Variants in LRP1B observed in about 807,000 individuals in gnomAD.
LRP1B encodes LDL receptor related protein 1B.
A neutral mutation model predicts 556.6 loss-of-function variants in LRP1B; 217 were observed. The ratio of observed to expected loss-of-function variants is 0.39; its 90% CI spans 0.35 to 0.44. LRP1B has a LOEUF of 0.44. LRP1B is among the 20% of genes least tolerant of loss of function. LRP1B has a pLI of 1.00. For missense variants in LRP1B, 5,053 were observed against 5,620.8 expected (o/e 0.90, Z 3.23); for synonymous variants, 2,047 against 1,865.8 (o/e 1.10, Z -2.50).
In LRP1B at chr2:141,524,302, G is replaced by A. The variant is rs1050276761; in HGVS notation, c.206-43769C>T. On this transcript the variant is annotated intron_variant, in intron 2 of 90. Coordinates refer to ENST00000389484, the MANE Select transcript of LRP1B (RefSeq NM_018557.3). The stretch of plus-strand genomic sequence containing the variant: ...TATAAAACTCAATGCCTAAGAACAT[G>A]TTATGTTGCCTTTCTTAAGTGAGCA... Among the ~76,000 whole-genome samples, 6 of 150,742 alleles carry A rather than the reference G, an allele frequency of 4.0e-5. No homozygotes were observed. In the East Asian group the frequency reaches 1.2e-3, roughly 29 times the overall value.
chr2:140,966,623 T>C (rs1327099869), intron 18 of LRP1B, among the ~76,000 whole-genome samples: 2 of 152,236 alleles, frequency 1.3e-5, no homozygotes. Context: ...TGCCCATGCC[T>C]ATGTCCTAAA....
intron 2 of LRP1B, among the ~76,000 whole-genome samples, chr2:141,562,802 C>A (rs13401279): frequency 0.23 from 34,816 of 151,838 alleles, 4,105 homozygotes; most frequent in South Asian, 0.41. Flanking sequence ...GGAAATTAGA[C>A]TCCATTCTGT....
chr2:141,477,005 C>T (rs1281943963), intron 3 of LRP1B, among the ~76,000 whole-genome samples: 2 of 152,044 alleles, frequency 1.3e-5, no homozygotes, highest in African/African-American at 4.8e-5. Context: ...TGCCTGTAAT[C>T]CCAGCTACTT....
At chr2:142,037,199 TA>T (rs1192512481) in intron 1 of LRP1B, among the ~76,000 whole-genome samples, 1 of 151,628 alleles carries the variant, frequency 6.6e-6, no homozygotes, top group Admixed American at 6.6e-5. Flanking sequence ...AAAAGAGATT[TA>T]GTTTGGATTC....
chr2:140,640,394 T>C (rs1376497776), intron 41 of LRP1B, among the ~76,000 whole-genome samples: 3 of 71,114 alleles, frequency 4.2e-5, no homozygotes, highest in Admixed American at 1.4e-4. Context: ...TTTTTTTTTT[T>C]TTTTTTTTTT....
chr2:140,778,362 C>A (rs1689571717), intron 32 of LRP1B, among the ~76,000 whole-genome samples: 1 of 152,040 alleles, frequency 6.6e-6, no homozygotes, highest in Non-Finnish European at 1.5e-5. Context: ...AATTTATTTT[C>A]AATGATAAAA....
intron 2 of LRP1B, among the ~76,000 whole-genome samples, chr2:141,600,309 C>T (rs1687679211): frequency 6.6e-6 from 1 of 152,120 alleles, no homozygotes; most frequent in Non-Finnish European, 1.5e-5. Context: ...AAGTGGGAAC[C>T]AGATAATTTT....
At chr2:141,311,764 T>G (rs1469091940) in intron 3 of LRP1B, among the ~76,000 whole-genome samples, 1 of 152,198 alleles carries the variant, frequency 6.6e-6, no homozygotes, top group Admixed American at 6.5e-5. Context: ...GCTCATGAAC[T>G]TCCCAGACTC....
At chr2:141,422,535 AG>A (rs1397468799) in intron 3 of LRP1B, among the ~76,000 whole-genome samples, 1 of 152,218 alleles carries the variant, frequency 6.6e-6, no homozygotes, top group East Asian at 1.9e-4. Context: ...AGTTATAAGA[AG>A]ACTGATGAAA....
chr2:141,853,020 T>C (rs1697918358), intron 1 of LRP1B, among the ~76,000 whole-genome samples: 1 of 151,710 alleles, frequency 6.6e-6, no homozygotes, highest in Admixed American at 6.6e-5. Flanking sequence ...AAAAACAATA[T>C]CTATAGGCTG....
intron 2 of LRP1B, among the ~76,000 whole-genome samples, chr2:141,643,902 G>C (rs1689442508): frequency 6.6e-6 from 1 of 151,794 alleles, no homozygotes; most frequent in Admixed American, 6.6e-5. Context: ...GACCTTATAG[G>C]GCTGCTGCAA....
intron 41 of LRP1B, among the ~76,000 whole-genome samples, chr2:140,657,670 CAT>C (rs145142678): frequency 0.048 from 6,788 of 141,280 alleles, 199 homozygotes; most frequent in Middle Eastern, 0.074. Flanking sequence ...TATATACATA[CAT>C]ATATATATAA....
At chr2:140,589,714 C>G (rs1682139089) in intron 43 of LRP1B, among the ~76,000 whole-genome samples, 1 of 152,066 alleles carries the variant, frequency 6.6e-6, no homozygotes, top group South Asian at 2.1e-4. Context: ...TATATAATTC[C>G]ATTATATAAG....
At chr2:141,347,116 C>T (rs1688279722) in intron 3 of LRP1B, among the ~76,000 whole-genome samples, 1 of 152,048 alleles carries the variant, frequency 6.6e-6, no homozygotes, top group South Asian at 2.1e-4. Flanking sequence ...TAAAACAGTA[C>T]TGATAAATAA....
chr2:141,488,095 G>T (rs1037848263), intron 2 of LRP1B, among the ~76,000 whole-genome samples: 1 of 151,878 alleles, frequency 6.6e-6, no homozygotes, highest in Non-Finnish European at 1.5e-5. Flanking sequence ...ACTTTTTTTG[G>T]TACAGGCCTC....
rs1703574546 is a variant in LRP1B, at chr2:142,028,301, A to G, written c.82+102347T>C. On this transcript the variant is annotated intron_variant, in intron 1 of 90. Coordinates refer to ENST00000389484, the MANE Select transcript of LRP1B (RefSeq NM_018557.3). ...AATTAGGTCGTGTAACAGTTCCATT[A>G]CTCCCAACAATTATCTTGTGCTGTC... is the stretch of plus-strand genomic sequence containing the variant. 5.3e-5 allele frequency among the ~76,000 whole-genome samples: 8 copies of G among 151,858 alleles called. No homozygotes were observed. The South Asian group carries it at 1.7e-3, about 31-fold the overall frequency.
intron 25 of LRP1B, among the ~76,000 whole-genome samples, chr2:140,878,381 G>A (rs533184798): frequency 3.2e-4 from 48 of 152,014 alleles, no homozygotes; most frequent in Admixed American, 9.2e-4. Flanking sequence ...ATATTAGCAC[G>A]AAATTATTTA....
chr2:140,608,948 G>C (rs1682969436), intron 41 of LRP1B, among the ~76,000 whole-genome samples: 1 of 152,242 alleles, frequency 6.6e-6, no homozygotes, highest in Non-Finnish European at 1.5e-5. Flanking sequence ...TATAGACTCA[G>C]ACATGTCTCA....
intron 7 of LRP1B, among the ~76,000 whole-genome samples, chr2:141,145,804 A>G (rs1009655880): frequency 6.6e-6 from 1 of 151,836 alleles, no homozygotes; most frequent in Non-Finnish European, 1.5e-5. Flanking sequence ...AAGTGCTGGG[A>G]CTACAGGCAT....
Sources: allele counts gnomAD v4.1 joint callset (sites outside exome capture counted in the v4.1 genomes callset), GRCh38; gene constraint gnomAD v4.1.1; transcripts MANE v1.5; gene names NCBI Gene and HGNC (gene_info 2026-07-23, HGNC 2026-07-21).